Variants in HEXB observed in about 807,000 individuals in gnomAD.
HEXB encodes hexosaminidase subunit beta.
HEXB carries 51 observed loss-of-function variants against 71.2 expected under a neutral mutation model. That is an observed-to-expected ratio of 0.72 (90% CI 0.57 to 0.90). HEXB has a LOEUF of 0.90. Among genes scored for constraint, HEXB ranks in the 40% least tolerant of loss-of-function variants. The probability of loss-of-function intolerance (pLI) is 0.00; values close to 1 mark genes in which losing one functional copy is unlikely to be tolerated. For synonymous variants in HEXB, 266 were observed against 249.3 expected, an observed-to-expected ratio of 1.07 and a Z score of -0.63; for missense variants, 617 against 677.0, an observed-to-expected ratio of 0.91 and a Z score of 0.98.
At chr5:74,691,077 G>A (rs1441305356) in intron 2 of HEXB, among the ~76,000 whole-genome samples, 2 of 152,196 alleles carry the variant, frequency 1.3e-5, no homozygotes, top group African/African-American at 4.8e-5. Flanking sequence ...TTATCTTTCA[G>A]TCAGTTCTAC....
At chr5:74,705,113 G>GT in intron 5 of HEXB, 106 bp from the exon 6 acceptor site, 1 of 532,168 alleles carries the variant, frequency 1.9e-6, no homozygotes. Flanking sequence ...AAAAAAAAAA[G>GT]TTTTAAAGGA....
At chr5:74,658,946 G>A (rs1169490024) in intron 1 of HEXB, among the ~76,000 whole-genome samples, 1 of 152,170 alleles carries the variant, frequency 6.6e-6, no homozygotes, top group Non-Finnish European at 1.5e-5. Flanking sequence ...GAGCCTCACA[G>A]TTTGGCTAAC....
intron 2 of HEXB, among the ~76,000 whole-genome samples, chr5:74,692,429 C>T (rs1749024228): frequency 6.6e-6 from 1 of 152,084 alleles, no homozygotes; most frequent in African/African-American, 2.4e-5. Context: ...CTGCAATGAA[C>T]CGTGATTGTG....
At chr5:74,665,406 AC>A (rs761452724) in intron 1 of HEXB, among the ~76,000 whole-genome samples, 1 of 142,908 alleles carries the variant, frequency 7.0e-6, no homozygotes, top group Non-Finnish European at 1.6e-5. Context: ...GCCCACGCAC[AC>A]TTTTCTCTGT....
intron 1 of HEXB, among the ~76,000 whole-genome samples, chr5:74,660,867 G>A (rs1391365037): frequency 1.3e-5 from 2 of 152,152 alleles, no homozygotes; most frequent in Non-Finnish European, 2.9e-5. Flanking sequence ...AGCCAGAGAA[G>A]CAACTACAGA....
chr5:74,667,646 G>T, intron 1 of HEXB, among the ~76,000 whole-genome samples: 1 of 152,210 alleles, frequency 6.6e-6, no homozygotes, highest in East Asian at 1.9e-4. Flanking sequence ...CTGCTGCAAA[G>T]GCTCGGGCTG....
rs140078452 is a variant in HEXB at position 74,677,184 on chromosome 5, G to A, written c.-376-12144G>A. Among the ~76,000 whole-genome samples, 442 of 152,102 alleles carry A rather than the reference G, an allele frequency of 2.9e-3. 6 individuals carry two copies. The highest frequency in any genetic ancestry group is 9.6e-3 in the African/African-American group (400 of 41,528). On this transcript the variant is annotated intron_variant, in intron 1 of 13. Coordinates refer to the HEXB transcript ENST00000511181. Reference sequence around the variant, plus strand: ...ACATGAGTCACCGCACCCAGCATACGTTGTTCTTTGCATCACAAATTCCAG... The same window carrying A: ...ACATGAGTCACCGCACCCAGCATACATTGTTCTTTGCATCACAAATTCCAG...
chr5:74,663,146 T>A (rs1748358719), intron 1 of HEXB, among the ~76,000 whole-genome samples: 1 of 151,988 alleles, frequency 6.6e-6, no homozygotes. Context: ...CTAAAGTCAG[T>A]GTCTAATTAC....
intron 5 of HEXB, among the ~76,000 whole-genome samples, chr5:74,697,438 A>G (rs1387406281): frequency 6.6e-6 from 1 of 152,162 alleles, no homozygotes; most frequent in African/African-American, 2.4e-5. Flanking sequence ...TTAGGAATAC[A>G]TGGCCACCCA....
chr5:74,718,312 C>T lies in HEXB; in HGVS notation c.1191C>T (p.Thr397=). ...CTAGGGTTTTGGATATTATTGCAAC[C>T]ATAAACAAGGGATCCATTGTCTGGC... is the stretch of plus-strand genomic sequence containing the variant. The part of the protein sequence containing the change: ...YIQKVLDIIA[T]INKGSIVWQE... The change falls in exon 10 of 14, where the codon ACC becomes ACT. Residue 397 remains threonine, a synonymous_variant. Transcript: ENST00000261416. The T allele has an allele frequency of 6.2e-7, 1 of 1,610,714 alleles. No individual in the cohort carries two copies. Among genetic ancestry groups the T allele is most frequent in the Non-Finnish European group, 8.5e-7 (1 of 1,177,036 alleles).
intron 11 of HEXB, 83 bp downstream of exon 11, chr5:74,719,054 T>C (rs1749745915): frequency 7.2e-7 from 1 of 1,382,196 alleles, no homozygotes. Flanking sequence ...CTTTGTTTTA[T>C]GAGTTTTCTT....
chr5:74,716,502 A>C, intron 8 of HEXB, 85 bp from the exon 9 acceptor site: 1 of 774,196 alleles, frequency 1.3e-6, no homozygotes, highest in South Asian at 1.5e-5. Flanking sequence ...AGTCTGCACA[A>C]CTGATGTTAG....
chr5:74,651,322 G>C (rs575345819), intron 1 of HEXB, among the ~76,000 whole-genome samples: 1 of 152,282 alleles, frequency 6.6e-6, no homozygotes, highest in African/African-American at 2.4e-5. Context: ...AACCCTTAGC[G>C]CAGCACACAG....
chr5:74,670,590 A>G (rs1748515954), intron 1 of HEXB, among the ~76,000 whole-genome samples: 1 of 152,178 alleles, frequency 6.6e-6, no homozygotes, highest in South Asian at 2.1e-4. Context: ...GCCAGCCCCC[A>G]GAGCTGCCAG....
Position 74,702,067 on chromosome 5 carries a change from C to CTTTTTTT in HEXB, c.670-3129_670-3123dup, listed in dbSNP as rs60295789. On this transcript the variant is annotated intron_variant, in intron 5 of 13. Transcript: ENST00000261416. Reference sequence around the variant, plus strand: ...TCTGCAACTGACTATCTTTCCTTGTCTTTTTTTTTTTTTTTTTTTTTTTTT... The same window carrying CTTTTTTT: ...TCTGCAACTGACTATCTTTCCTTGTCTTTTTTTTTTTTTTTTTTTTTTTTTTTTTTTT... Among the ~76,000 whole-genome samples the CTTTTTTT allele has an allele frequency of 5.3e-4, 32 of 60,592 alleles. 2 individuals are homozygous for CTTTTTTT. Among genetic ancestry groups the CTTTTTTT allele is most frequent in the Admixed American group, 7.8e-4 (3 of 3,844 alleles). The allele number at this position is 60,592 out of a possible 152,430, so 39.8% of individuals were successfully genotyped here. A position where few individuals can be genotyped will look rare whatever the true frequency, so the allele number is the denominator to read the frequency against.
chr5:74,643,308 T>C (rs866499093), intron 1 of HEXB, among the ~76,000 whole-genome samples: 1 of 152,198 alleles, frequency 6.6e-6, no homozygotes, highest in Non-Finnish European at 1.5e-5. Flanking sequence ...GTAACTCTTA[T>C]CACCCCACTC....
At chr5:74,711,584 C>G (rs942813491) in intron 6 of HEXB, among the ~76,000 whole-genome samples, 2 of 152,164 alleles carry the variant, frequency 1.3e-5, no homozygotes, top group East Asian at 1.9e-4. Flanking sequence ...AACAAATTTA[C>G]AAGAAAAAAA....
chr5:74,714,303 T>A (rs1014443265), intron 7 of HEXB, among the ~76,000 whole-genome samples: 1 of 152,226 alleles, frequency 6.6e-6, no homozygotes. Flanking sequence ...CAAGTCATTG[T>A]GATTAGGTAC....
In HEXB at chr5:74,718,794, T is replaced by C. The variant is rs1554036920; in HGVS notation, c.1243-3T>C. ...TATGTATTGCAATTTGTAACGTTAATAGCTTGCGCCGGGCACAATAGTTGA... is the reference window on the plus strand; with the variant it reads ...TATGTATTGCAATTTGTAACGTTAACAGCTTGCGCCGGGCACAATAGTTGA... On this transcript the variant is annotated splice_polypyrimidine_tract_variant and splice_region_variant and intron_variant, in intron 10 of 13. Transcript: ENST00000261416. 1 of 1,613,886 alleles carries C rather than the reference T, an allele frequency of 6.2e-7. No homozygotes were observed. Among genetic ancestry groups the C allele is most frequent in the East Asian group, 2.2e-5 (1 of 44,888 alleles).
Sources: gnomAD v4.1 joint callset for allele counts (sites outside exome capture counted in the v4.1 genomes callset) on GRCh38, gnomAD v4.1.1 for gene constraint, MANE v1.5 for transcripts, NCBI Gene and HGNC (gene_info 2026-07-23, HGNC 2026-07-21) for gene names.